Variants in CDH20 observed in about 807,000 individuals in gnomAD.
The protein encoded by CDH20 is cadherin-20.
A neutral mutation model predicts 74.2 loss-of-function variants in CDH20; 29 were observed. That is an observed-to-expected ratio of 0.39 (90% confidence interval 0.29 to 0.53). The LOEUF (loss-of-function observed/expected upper bound fraction) is 0.53. CDH20 is among the 20% of genes least tolerant of loss of function. The pLI, the probability that CDH20 is intolerant of heterozygous loss-of-function variation, is 0.69. For missense variants in CDH20, 988 were observed against 1,048.3 expected, an observed-to-expected ratio of 0.94 and a Z score of 0.79; for synonymous variants, 469 against 405.4, an observed-to-expected ratio of 1.16 and a Z score of -1.88.
intron 1 of CDH20, among the ~76,000 whole-genome samples, chr18:61,464,072 A>G (rs1909875957): frequency 6.6e-6 from 1 of 152,212 alleles, no homozygotes; most frequent in South Asian, 2.1e-4. Flanking sequence ...TAAAAGTAAC[A>G]CCAGCTACAG....
intron 6 of CDH20, among the ~76,000 whole-genome samples, chr18:61,509,032 T>C (rs553704): frequency 1 from 152,040 of 152,338 alleles, 75,871 homozygotes; most frequent in Non-Finnish European, 1. Context: ...TTTGAGGGCG[T>C]AAAGGCATAA....
At chr18:61,423,021 C>T (rs1265929268) in intron 1 of CDH20, among the ~76,000 whole-genome samples, 1 of 152,188 alleles carries the variant, frequency 6.6e-6, no homozygotes, top group Admixed American at 6.5e-5. Flanking sequence ...GATTTAGCTA[C>T]TAAATAAAAA....
intron 6 of CDH20, among the ~76,000 whole-genome samples, chr18:61,512,013 C>T (rs776991956): frequency 6.6e-6 from 1 of 152,178 alleles, no homozygotes; most frequent in Non-Finnish European, 1.5e-5. Flanking sequence ...GTCTGCTCCA[C>T]GCCCATCTTC....
chr18:61,336,135 C>G (rs777494433), intron 1 of CDH20, among the ~76,000 whole-genome samples: 5 of 152,126 alleles, frequency 3.3e-5, no homozygotes, highest in African/African-American at 1.2e-4. Context: ...GGAAGGAAGA[C>G]GCCACTATCC....
chr18:61,508,539 G>A (rs763128244), intron 6 of CDH20, among the ~76,000 whole-genome samples: 5 of 152,120 alleles, frequency 3.3e-5, no homozygotes, highest in Non-Finnish European at 7.4e-5. Flanking sequence ...AAAAACTGTG[G>A]TAAATATATA....
At chr18:61,448,642 G>A (rs1909279128) in intron 1 of CDH20, among the ~76,000 whole-genome samples, 3 of 152,064 alleles carry the variant, frequency 2.0e-5, no homozygotes, top group Admixed American at 1.3e-4. Flanking sequence ...GGCCTTATTT[G>A]AACAAAACTC....
intron 1 of CDH20, among the ~76,000 whole-genome samples, chr18:61,420,258 A>G (rs1912828984): frequency 6.6e-6 from 1 of 152,114 alleles, no homozygotes; most frequent in African/African-American, 2.4e-5. Flanking sequence ...GTTAACTGTA[A>G]GTCTGCTGCT....
chr18:61,452,341 A>C (rs2144340276), intron 1 of CDH20, among the ~76,000 whole-genome samples: 1 of 152,314 alleles, frequency 6.6e-6, no homozygotes, highest in East Asian at 1.9e-4. Flanking sequence ...TTGCACCAAA[A>C]ACTAAGTTAA....
chr18:61,419,159 G>A (rs986884349), intron 1 of CDH20, among the ~76,000 whole-genome samples: 3 of 152,054 alleles, frequency 2.0e-5, no homozygotes, highest in African/African-American at 7.2e-5. Context: ...GAACACCTGA[G>A]CTCAAGTGAT....
chr18:61,491,583 T>C (rs913041097), intron 2 of CDH20, among the ~76,000 whole-genome samples: 1 of 152,336 alleles, frequency 6.6e-6, no homozygotes, highest in Middle Eastern at 3.4e-3. Flanking sequence ...TAGAGGAACT[T>C]TGGACAGGTC....
intron 10 of CDH20, among the ~76,000 whole-genome samples, chr18:61,545,456 C>T (rs1913214789): frequency 6.6e-6 from 1 of 151,978 alleles, no homozygotes; most frequent in Non-Finnish European, 1.5e-5. Context: ...CACAGAGAAC[C>T]CTTTGCCAAC....
At chr18:61,511,312 C>G (rs1442582374) in intron 6 of CDH20, among the ~76,000 whole-genome samples, 1 of 151,686 alleles carries the variant, frequency 6.6e-6, no homozygotes, top group African/African-American at 2.4e-5. Context: ...TGCAGTGAGC[C>G]ATGATCATGC....
At chr18:61,478,328 T>G (rs2144398212) in intron 1 of CDH20, among the ~76,000 whole-genome samples, 1 of 152,326 alleles carries the variant, frequency 6.6e-6, no homozygotes, top group Non-Finnish European at 1.5e-5. Context: ...AGCATAAAGA[T>G]TTCTAAATAT....
Position 61,448,748 on chromosome 18 carries a change from A to T in CDH20, c.-152-41654A>T, listed in dbSNP as rs182323777. ...ATCCTGCCAATTTGGTGACATTTCCATATTAAGACAAGTGACTAAATCTCT... is the reference window on the plus strand; with the variant it reads ...ATCCTGCCAATTTGGTGACATTTCCTTATTAAGACAAGTGACTAAATCTCT... On this transcript the variant is annotated intron_variant, in intron 1 of 11. Coordinates refer to ENST00000262717, the MANE Select transcript of CDH20 (RefSeq NM_031891.4). Among the ~76,000 whole-genome samples the T allele has an allele frequency of 1.6e-3, 240 of 152,282 alleles. 1 individual carries two copies. Among genetic ancestry groups the T allele is most frequent in the Non-Finnish European group, 6.3e-4 (43 of 68,008 alleles).
rs1911843799 is a variant in CDH20 at position 61,513,061 on chromosome 18, T to TGAC, written c.1017+5502_1017+5504dup. Among the ~76,000 whole-genome samples the TGAC allele has an allele frequency of 2.6e-5, 4 of 152,020 alleles. No homozygotes were observed. The South Asian group carries it at 8.3e-4, about 32-fold the overall frequency. On this transcript the variant is annotated intron_variant, in intron 6 of 11. Transcript: ENST00000262717. ...GAGTTCAATTCCTGGGTATCCTTGA[T>TGAC]GACTTTCTGTCTCGTTGATCTGTCT...
intron 1 of CDH20, among the ~76,000 whole-genome samples, chr18:61,378,111 A>T (rs1454389305): frequency 6.6e-6 from 1 of 152,200 alleles, no homozygotes; most frequent in African/African-American, 2.4e-5. Context: ...CAGATTGCTC[A>T]CTATTGGCTC....
intron 1 of CDH20, among the ~76,000 whole-genome samples, chr18:61,471,342 C>G (rs1057039105): frequency 1.3e-5 from 2 of 152,172 alleles, no homozygotes; most frequent in Non-Finnish European, 1.5e-5. Flanking sequence ...ACTAGGAAAA[C>G]AGTTGACAAG....
intron 1 of CDH20, among the ~76,000 whole-genome samples, chr18:61,387,434 G>A (rs1246461402): frequency 6.6e-6 from 1 of 152,110 alleles, no homozygotes; most frequent in African/African-American, 2.4e-5. Flanking sequence ...TTACCCTCAG[G>A]AACTGTGAGA....
rs149672865 is a variant in CDH20 at position 61,412,578 on chromosome 18, T to A, written c.-152-77824T>A. Among the ~76,000 whole-genome samples the A allele has an allele frequency of 1.3e-3, 204 of 152,134 alleles. 1 individual carries two copies. The highest frequency in any genetic ancestry group is 4.7e-3 in the African/African-American group (196 of 41,512). ...CAAAAAAGAATAGTCCAACAACCCATCTGCTGGAGAAGTATGGGTGGAGCA... is the reference window on the plus strand; with the variant it reads ...CAAAAAAGAATAGTCCAACAACCCAACTGCTGGAGAAGTATGGGTGGAGCA... On this transcript the variant is annotated intron_variant, in intron 1 of 11. Coordinates refer to ENST00000262717, the MANE Select transcript of CDH20 (RefSeq NM_031891.4).
Sources: gnomAD v4.1 joint callset for allele counts (sites outside exome capture counted in the v4.1 genomes callset) on GRCh38, gnomAD v4.1.1 for gene constraint, MANE v1.5 for transcripts, NCBI Gene and HGNC (gene_info 2026-07-23, HGNC 2026-07-21) for gene names.